The following GAS6 variants were observed in gnomAD, a reference collection of about 807,000 sequenced individuals.
GAS6 encodes the protein growth arrest-specific protein 6.
A neutral mutation model predicts 75.8 loss-of-function variants in GAS6; 41 were observed. The observed-to-expected ratio is 0.54, with a 90% CI of 0.42 to 0.70. The LOEUF (loss-of-function observed/expected upper bound fraction) is 0.70. Among genes scored for constraint, GAS6 ranks in the 30% least tolerant of loss-of-function variants. The pLI is 0.00. For missense variants in GAS6, 854 were observed against 940.2 expected (o/e 0.91, Z 1.20); for synonymous variants, 432 against 412.6 (o/e 1.05, Z -0.57).
intron 2 of GAS6, among the ~76,000 whole-genome samples, chr13:113,858,641 T>G (rs199613216): frequency 1.1e-5 from 1 of 93,766 alleles, no homozygotes; most frequent in South Asian, 4.1e-4. Flanking sequence ...GTCTGTGTGT[T>G]TGTGACTGTA....
chr13:113,834,571 G>C lies in GAS6; in HGVS notation c.814C>G (p.Gln272Glu). The change falls in exon 8 of 15, where the codon CAG (glutamine) becomes GAG (glutamate). Residue 272 changes from glutamine to glutamate, a missense_variant. Coordinates refer to ENST00000327773, the MANE Select transcript of GAS6 (RefSeq NM_000820.4). ...CDGRGGLKLS[Q>E]DMDTCEDILP... ...CCTACCTCACAGGTGTCCATGTCCT[G>C]GGACAGCTTGAGGCCCCCACGCCCG... The C allele has an allele frequency of 1.3e-6, 2 of 1,598,018 alleles. No individual in the cohort carries two copies. The highest frequency in any genetic ancestry group is 1.1e-5 in the South Asian group (1 of 88,812).
At chr13:113,850,841 G>A (rs2051867569) in intron 2 of GAS6, among the ~76,000 whole-genome samples, 1 of 151,970 alleles carries the variant, frequency 6.6e-6, no homozygotes, top group Non-Finnish European at 1.5e-5. Flanking sequence ...TGGATAGATG[G>A]ATGGATAGAT....
In GAS6 at chr13:113,820,836, T is replaced by C. The variant is rs1354093184; in HGVS notation, c.*28A>G. On this transcript the variant is annotated 3_prime_UTR_variant, in exon 15 of 15. Transcript: ENST00000327773. ...CCTCCCGGCTGTCTCGGACAGAGAC[T>C]GAGAAGCCTGCCGCGTCCCGTGGGG... 1 of 1,601,214 alleles carries C rather than the reference T, an allele frequency of 6.2e-7. No homozygotes were observed. Among genetic ancestry groups the C allele is most frequent in the Non-Finnish European group, 8.5e-7 (1 of 1,176,576 alleles).
At chr13:113,826,491 C>A (rs1363554789) in intron 12 of GAS6, among the ~76,000 whole-genome samples, 1 of 128,334 alleles carries the variant, frequency 7.8e-6, no homozygotes. Flanking sequence ...TCTCCCCGGC[C>A]TCCCGGCGCC....
intron 2 of GAS6, among the ~76,000 whole-genome samples, chr13:113,861,756 GGAAACA>G (rs945524474): frequency 3.9e-5 from 6 of 152,166 alleles, no homozygotes; most frequent in East Asian, 1.9e-4. Context: ...GGCAGGAACC[GGAAACA>G]GAAACAGAAA....
intron 2 of GAS6, among the ~76,000 whole-genome samples, chr13:113,856,123 C>A (rs2051912168): frequency 6.6e-6 from 1 of 152,242 alleles, no homozygotes; most frequent in Non-Finnish European, 1.5e-5. Context: ...ACGCACCTGG[C>A]AGACCATGTT....
chr13:113,849,464 G>A (rs1594206935), intron 2 of GAS6, among the ~76,000 whole-genome samples: 1 of 151,724 alleles, frequency 6.6e-6, no homozygotes. Context: ...GAAGTGATGG[G>A]GCTTTGTCTC....
In GAS6 at chr13:113,845,115, G is replaced by A. The variant is rs1464189696; in HGVS notation, c.343+1412C>T. On this transcript the variant is annotated intron_variant, in intron 4 of 14. Transcript: ENST00000327773. This position sits in a 1 kb window ranked among gnomAD's most constrained non-coding sequence, Gnocchi z 4.3. ...AGACATTGGGCCCTACGTGGCACCT[G>A]GCTACTGTGCATGGTTGCAGGTCAG... is the stretch of plus-strand genomic sequence containing the variant. The A allele has an allele frequency of 6.6e-6, 1 of 150,796 alleles. No individual in the cohort carries two copies. Among genetic ancestry groups the A allele is most frequent in the Non-Finnish European group, 1.5e-5 (1 of 68,022 alleles). The allele number at this position is 150,796 out of a possible 1,614,324, so 9.3% of individuals were successfully genotyped here.
At chr13:113,821,709 C>G (rs1308556888) in intron 14 of GAS6, 1 of 507,886 alleles carries the variant, frequency 2.0e-6, no homozygotes, top group Admixed American at 3.7e-5. Context: ...GATGCAGGTT[C>G]GTGGGGCCTG....
intron 10 of GAS6, among the ~76,000 whole-genome samples, chr13:113,831,758 C>T (rs958061021): frequency 1.1e-4 from 16 of 150,794 alleles, no homozygotes; most frequent in East Asian, 2.0e-4. Context: ...CCCCGTCCCC[C>T]GGAGCATGAA....
At chr13:113,839,454 C>T (rs1396333288) in intron 5 of GAS6, 9 of 395,746 alleles carry the variant, frequency 2.3e-5, no homozygotes, top group South Asian at 2.1e-4. Context: ...CACTCAAGGA[C>T]GGTCAGAGGT....
chr13:113,827,632 G>A (rs1594191096), intron 11 of GAS6, among the ~76,000 whole-genome samples: 1 of 151,618 alleles, frequency 6.6e-6, no homozygotes, highest in African/African-American at 2.4e-5. Context: ...GCACCAGGCA[G>A]TCTGTGGGCC....
intron 3 of GAS6, 27 bp downstream of exon 3, chr13:113,847,999 C>T: frequency 1.2e-6 from 2 of 1,604,176 alleles, no homozygotes; most frequent in Middle Eastern, 1.7e-4. Flanking sequence ...CTACGACAAC[C>T]AGAGTAGAGA....
intron 2 of GAS6, among the ~76,000 whole-genome samples, chr13:113,854,051 G>A (rs2051895256): frequency 1.3e-5 from 2 of 152,180 alleles, no homozygotes; most frequent in African/African-American, 4.8e-5. Context: ...GGAAAGCACA[G>A]TCAGTATACC....
At chr13:113,833,505 C>T in intron 8 of GAS6, 1 of 993,790 alleles carries the variant, frequency 1.0e-6, no homozygotes, top group Non-Finnish European at 1.2e-6. Flanking sequence ...CAGGCCCAGG[C>T]TGAAGAGGAA....
Position 113,863,787 on chromosome 13 carries a change from C to T in GAS6, c.88+46G>A, listed in dbSNP as rs2051993689. On this transcript the variant is annotated intron_variant, in intron 1 of 14. Coordinates refer to ENST00000327773, the MANE Select transcript of GAS6 (RefSeq NM_000820.4). The surrounding 1 kb of genome is among the most constrained non-coding windows in gnomAD (Gnocchi z 9.4). ...GGACGCGTCAAGCCGCGCCCGGAGC[C>T]TCCTCCCGCCGCCCGGGGACGGGGT... 4 of 1,407,236 alleles carry T rather than the reference C, an allele frequency of 2.8e-6. No homozygotes were observed. The highest frequency in any genetic ancestry group is 6.2e-5 in the East Asian group (2 of 32,520). 87.2% of individuals were successfully genotyped at this position (1,407,236 alleles called of 1,614,324 possible).
chr13:113,828,135 G>A (rs1483498101), intron 11 of GAS6, among the ~76,000 whole-genome samples: 4 of 152,076 alleles, frequency 2.6e-5, no homozygotes, highest in Non-Finnish European at 5.9e-5. Flanking sequence ...GTGGTGGCGG[G>A]CGCCTGTAGT....
chr13:113,860,626 C>A (rs865796773), intron 2 of GAS6, among the ~76,000 whole-genome samples: 7 of 152,066 alleles, frequency 4.6e-5, no homozygotes, highest in African/African-American at 7.2e-5. Context: ...AGGAACCCAG[C>A]AGGGAGAGGC....
At chr13:113,842,813 C>T (rs2051800250) in intron 4 of GAS6, 1 of 396,876 alleles carries the variant, frequency 2.5e-6, no homozygotes, top group Non-Finnish European at 4.4e-6. Context: ...GGACACCTGC[C>T]CATGTGATGC....
Sources: gnomAD v4.1 joint callset for allele counts (sites outside exome capture counted in the v4.1 genomes callset) on GRCh38, gnomAD v4.1.1 for gene constraint, Gnocchi (gnomAD v3.1) non-coding constraint, MANE v1.5 for transcripts, NCBI Gene and HGNC (gene_info 2026-07-23, HGNC 2026-07-21) for gene names.